TANC1: variants seen among roughly 807,000 people sequenced by gnomAD.
The protein encoded by TANC1 is protein TANC1.
A neutral mutation model predicts 149.7 loss-of-function variants in TANC1; 77 were observed. That is an observed-to-expected ratio of 0.51 (90% confidence interval 0.43 to 0.62). TANC1 has a LOEUF of 0.62. Among genes scored for constraint, TANC1 ranks in the 20% least tolerant of loss-of-function variants. The probability of loss-of-function intolerance (pLI) is 0.00; values close to 1 mark genes in which losing one functional copy is unlikely to be tolerated. For synonymous variants in TANC1, 854 were observed against 925.0 expected, an observed-to-expected ratio of 0.92 and a Z score of 1.39; for missense variants, 1,985 against 2,321.8, an observed-to-expected ratio of 0.85 and a Z score of 2.98.
Position 159,230,912 on chromosome 2 carries a change from A to G in TANC1, c.5486A>G (p.Glu1829Gly), listed in dbSNP as rs754826560. 2 of 1,614,082 alleles carry G rather than the reference A, an allele frequency of 1.2e-6. No individual in the cohort carries two copies. The highest frequency in any genetic ancestry group is 2.7e-5 in the African/African-American group (2 of 74,922). The change falls in exon 27 of 27, where the codon GAA becomes GGA. Residue 1829 changes from glutamate (E) to glycine (G), a missense_variant. Coordinates refer to ENST00000263635, the MANE Select transcript of TANC1 (RefSeq NM_033394.3). This position sits in a 1 kb window ranked among gnomAD's most constrained non-coding sequence, Gnocchi z 4.4. The stretch of plus-strand genomic sequence containing the variant: ...AAGACTGTTTCTCATCTGTACCAGG[A>G]AAGTATCTCCAAACAGCAGCCTCAT... ...ITKTVSHLYQ[E>G]SISKQQPHIS...
At chr2:159,146,879 C>T (rs530603665) in intron 5 of TANC1, among the ~76,000 whole-genome samples, 5 of 152,068 alleles carry the variant, frequency 3.3e-5, no homozygotes, top group Middle Eastern at 3.4e-3. Context: ...AAGCTGGAAT[C>T]GCCACTGCTC....
rs145356505 is a variant in TANC1, at chr2:159,126,165, G to T, written c.260-10029G>T. ...CCATCTGCAGAGTCCCTACATGGTC[G>T]TACCCAGATTGTGTTTGATTCAGTA... is the stretch of plus-strand genomic sequence containing the variant. On this transcript the variant is annotated intron_variant, in intron 4 of 26. Coordinates refer to ENST00000263635, the MANE Select transcript of TANC1 (RefSeq NM_033394.3). Among the ~76,000 whole-genome samples the T allele has an allele frequency of 1.9e-3, 290 of 152,212 alleles. 1 individual carries two copies. Among genetic ancestry groups the T allele is most frequent in the African/African-American group, 6.5e-3 (269 of 41,526 alleles).
rs1355473255 is a variant in TANC1, at chr2:159,228,851, C to T, written c.4106C>T (p.Ser1369Phe). The change falls in exon 26 of 27, where the codon TCC (serine) becomes TTC (phenylalanine). Residue 1369 changes from serine to phenylalanine, a missense_variant. Physicochemically the swap from Ser to Phe is radical, Grantham distance 155 (BLOSUM62 -2). This residue lies in a region of TANC1 where 920 missense variants were observed against 994.7 expected (regional missense o/e 0.92). Transcript: ENST00000263635. ...AAGGCTCTCGAATTGAAGCCCAAGT[C>T]CTATGAAGCCTTTTATGCCAGAGCA... ...ASKALELKPKSYEAFYARARA... is the reference protein window; with the variant it reads ...ASKALELKPKFYEAFYARARA... The T allele has an allele frequency of 1.9e-6, 3 of 1,614,124 alleles. No individual in the cohort carries two copies. Among genetic ancestry groups the T allele is most frequent in the Admixed American group, 3.3e-5 (2 of 60,016 alleles).
chr2:159,134,788 G>T (rs899522756), intron 4 of TANC1, among the ~76,000 whole-genome samples: 1 of 151,750 alleles, frequency 6.6e-6, no homozygotes, highest in Non-Finnish European at 1.5e-5. Flanking sequence ...TGGCCTCTTT[G>T]TTATTATTTT....
At position 159,229,806 on chromosome 2, in the gene TANC1, A is replaced by G; in HGVS notation, c.4380A>G (p.Glu1460=). The G allele has an allele frequency of 6.2e-7, 1 of 1,614,044 alleles. No homozygotes were observed. The highest frequency in any genetic ancestry group is 1.1e-5 in the South Asian group (1 of 91,074). ...ACCACTTTCACTCTGAGGAGACTGAAGAGGAAGAAACTTCTCCCCAGGAAG... is the reference window on the plus strand; with the variant it reads ...ACCACTTTCACTCTGAGGAGACTGAGGAGGAAGAAACTTCTCCCCAGGAAG... ...LSDHFHSEET[E]EEETSPQEES... Residue 1460 remains glutamate, a synonymous_variant, in exon 27 of 27, where the codon GAA becomes GAG. Transcript: ENST00000263635.
intron 2 of TANC1, among the ~76,000 whole-genome samples, chr2:159,024,531 A>C (rs2039095464): frequency 6.6e-6 from 1 of 152,166 alleles, no homozygotes; most frequent in Admixed American, 6.5e-5. Context: ...CAGGCGGATC[A>C]CTTGAGATCA....
chr2:159,105,716 T>TA (rs2047115856), intron 4 of TANC1, among the ~76,000 whole-genome samples: 1 of 152,198 alleles, frequency 6.6e-6, no homozygotes, highest in Admixed American at 6.5e-5. Context: ...TGTTTTCTGC[T>TA]AAAAAATAAC....
intron 5 of TANC1, among the ~76,000 whole-genome samples, chr2:159,138,638 A>G (rs1312993751): frequency 6.6e-6 from 1 of 152,164 alleles, no homozygotes; most frequent in Non-Finnish European, 1.5e-5. Flanking sequence ...ATCATCACTT[A>G]AGTTTTACTT....
In TANC1 at chr2:159,088,672, TTA is replaced by T. The variant is rs937456168; in HGVS notation, c.62-8963_62-8962del. ...AAAATTTGTAAACTTTCTTAAAACA[TTA>T]TGAGACTTTTTTTGTGACTTTTTTA... On this transcript the variant is annotated intron_variant, in intron 3 of 26. Coordinates refer to ENST00000263635, the MANE Select transcript of TANC1 (RefSeq NM_033394.3). Among the ~76,000 whole-genome samples, 5 of 152,320 alleles carry T rather than the reference TTA, an allele frequency of 3.3e-5. No homozygotes were observed. In the South Asian group the frequency reaches 6.2e-4, roughly 19 times the overall value.
chr2:159,180,950 G>C (rs1395466272), intron 14 of TANC1, among the ~76,000 whole-genome samples: 1 of 152,150 alleles, frequency 6.6e-6, no homozygotes, highest in Non-Finnish European at 1.5e-5. Context: ...GGGGCCTGGG[G>C]AGGTGATTTT....
chr2:159,095,838 C>G (rs1382277440), intron 3 of TANC1, among the ~76,000 whole-genome samples: 2 of 126,418 alleles, frequency 1.6e-5, no homozygotes, highest in African/African-American at 5.2e-5. Flanking sequence ...CTCTTGACTC[C>G]TAACACAAAA....
intron 4 of TANC1, among the ~76,000 whole-genome samples, chr2:159,125,784 C>T (rs552784577): frequency 3.3e-5 from 5 of 152,258 alleles, no homozygotes; most frequent in African/African-American, 1.2e-4. Flanking sequence ...GATGGGGTTT[C>T]ACCATGTTGG....
intron 1 of TANC1, among the ~76,000 whole-genome samples, chr2:158,982,650 C>G (rs1305904539): frequency 6.6e-6 from 1 of 152,208 alleles, no homozygotes; most frequent in Non-Finnish European, 1.5e-5. Context: ...CTCTGTTGCC[C>G]AGGCTGAAGT....
intron 10 of TANC1, among the ~76,000 whole-genome samples, chr2:159,171,391 G>A (rs2055188262): frequency 6.6e-6 from 1 of 152,200 alleles, no homozygotes; most frequent in African/African-American, 2.4e-5. Context: ...CAACACTTTG[G>A]AAGGCCGAGG....
At chr2:158,970,852 C>T (rs1377197442) in intron 1 of TANC1, among the ~76,000 whole-genome samples, 1 of 152,050 alleles carries the variant, frequency 6.6e-6, no homozygotes, top group African/African-American at 2.4e-5. Flanking sequence ...ATGTGGTGCC[C>T]CAAACTTAAC....
Position 159,185,851 on chromosome 2 carries a change from G to A in TANC1, c.2571G>A (p.Gln857=), listed in dbSNP as rs374648765. The A allele has an allele frequency of 1.5e-5, 25 of 1,614,070 alleles. No homozygotes were observed. The Middle Eastern group carries it at 1.5e-3, about 96-fold the overall frequency. ...GTCAGGAGGGCAAGTTGAACCGCCA[G>A]CAGACCATGGAGCTTGGCCACCACA... The part of the protein sequence containing the change: ...FSRQEGKLNR[Q]QTMELGHHIL... The change falls in exon 15 of 27, where the codon CAG becomes CAA. Residue 857 remains glutamine (Q), a synonymous_variant. Coordinates refer to ENST00000263635, the MANE Select transcript of TANC1 (RefSeq NM_033394.3).
chr2:159,185,785 C>G lies in TANC1; in HGVS notation c.2511-6C>G, dbSNP rs2056917233. 6.2e-7 allele frequency: 1 copy of G among 1,610,416 alleles called. No individual in the cohort carries two copies. Among genetic ancestry groups the G allele is most frequent in the Non-Finnish European group, 8.5e-7 (1 of 1,177,290 alleles). ...CTGCTGTGAGCCTTTGTATTCCTTC[C>G]CCTAGGAACGGGCACGCGCTCTTGG... is the stretch of plus-strand genomic sequence containing the variant. On this transcript the variant is annotated splice_polypyrimidine_tract_variant and splice_region_variant and intron_variant, in intron 14 of 26. Coordinates refer to ENST00000263635, the MANE Select transcript of TANC1 (RefSeq NM_033394.3).
intron 7 of TANC1, among the ~76,000 whole-genome samples, chr2:159,160,417 A>T (rs984152469): frequency 6.6e-6 from 1 of 152,062 alleles, no homozygotes; most frequent in Admixed American, 6.5e-5. Context: ...AGAGTGATTG[A>T]CTGGGTTAAC....
At chr2:159,042,897 A>C (rs1219416532) in intron 2 of TANC1, among the ~76,000 whole-genome samples, 1 of 152,054 alleles carries the variant, frequency 6.6e-6, no homozygotes, top group South Asian at 2.1e-4. Context: ...GGTTTGAGAG[A>C]GGTTCTTGGC....
Sources: gnomAD v4.1 joint callset for allele counts (sites outside exome capture counted in the v4.1 genomes callset) on GRCh38, gnomAD v4.1.1 for gene constraint, gnomAD v4.1.1 regional missense constraint, Gnocchi (gnomAD v3.1) non-coding constraint, MANE v1.5 for transcripts, NCBI Gene and HGNC (gene_info 2026-07-23, HGNC 2026-07-21) for gene names.